The following RAB27A variants were observed in gnomAD, a reference collection of about 807,000 sequenced individuals.
The protein encoded by RAB27A is RAB27A, member RAS oncogene family.
In RAB27A, 17 loss-of-function variants were observed where a neutral mutation model predicts 20.8. The ratio of observed to expected loss-of-function variants is 0.82; its 90% CI spans 0.56 to 1.23. The LOEUF is 1.23. Ranked by LOEUF, RAB27A falls within the 50% of genes most tolerant of loss-of-function variation. The probability of loss-of-function intolerance (pLI) is 0.00; values close to 1 mark genes in which losing one functional copy is unlikely to be tolerated. For synonymous variants in RAB27A, 85 were observed against 92.8 expected (o/e 0.92, Z 0.48); for missense variants, 277 against 266.7 (o/e 1.04, Z -0.27).
At chr15:55,267,896 C>G (rs772297019) in intron 2 of RAB27A, among the ~76,000 whole-genome samples, 3 of 152,138 alleles carry the variant, frequency 2.0e-5, no homozygotes, top group Admixed American at 2.0e-4. Context: ...TTCACCAGAC[C>G]GTTCCCTTTC....
chr15:55,317,797 G>A (rs2055062826), intron 1 of RAB27A: 1 of 398,004 alleles, frequency 2.5e-6, no homozygotes. Context: ...AAACATTGCT[G>A]CAACAAATAC....
At chr15:55,313,881 G>A (rs1319862165) in intron 2 of RAB27A, 1 of 152,404 alleles carries the variant, frequency 6.6e-6, no homozygotes, top group Non-Finnish European at 1.5e-5. Flanking sequence ...GCTGAGGCAG[G>A]AGAATAGTGT....
intron 6 of RAB27A, among the ~76,000 whole-genome samples, chr15:55,214,238 C>T (rs1037201909): frequency 5.3e-5 from 8 of 152,268 alleles, no homozygotes; most frequent in East Asian, 1.9e-4. Flanking sequence ...AGATCGAGAC[C>T]ATCCTGGCTA....
intron 2 of RAB27A, among the ~76,000 whole-genome samples, chr15:55,251,450 G>A (rs1415921219): frequency 6.6e-6 from 1 of 152,094 alleles, no homozygotes; most frequent in Non-Finnish European, 1.5e-5. Flanking sequence ...GTCCTTAAAG[G>A]GGCAAGAGAG....
At chr15:55,246,622 A>AAG (rs1166169298) in intron 2 of RAB27A, among the ~76,000 whole-genome samples, 1 of 152,108 alleles carries the variant, frequency 6.6e-6, no homozygotes, top group Admixed American at 6.6e-5. Context: ...GAAAAAAAAA[A>AAG]AGCACACATA....
intron 1 of RAB27A, among the ~76,000 whole-genome samples, chr15:55,275,016 C>CA (rs1897824015): frequency 6.6e-6 from 1 of 151,442 alleles, no homozygotes; most frequent in African/African-American, 2.4e-5. Context: ...TTTGGAAGGC[C>CA]AAAGTAGGTG....
chr15:55,293,529 A>G (rs967142144), upstream of RAB27A, among the ~76,000 whole-genome samples: 1 of 152,054 alleles, frequency 6.6e-6, no homozygotes. Context: ...ATCAAAAAGA[A>G]TAAAATACCT....
chr15:55,274,794 T>TTTTATATATATATA lies in RAB27A; in HGVS notation c.-142-4511_-142-4510insTATATATATATAAA, dbSNP rs1491185564. The stretch of plus-strand genomic sequence containing the variant: ...ATCCGTCCTTAAAAAAATAAATAAA[T>TTTTATATATATATA]TATATATATATATATATATATATAT... On this transcript the variant is annotated intron_variant, in intron 1 of 6. Coordinates refer to ENST00000336787, the MANE Select transcript of RAB27A (RefSeq NM_183235.3). Among the ~76,000 whole-genome samples, 100 of 52,150 alleles carry TTTTATATATATATA rather than the reference T, an allele frequency of 1.9e-3. 2 individuals carry two copies. The highest frequency in any genetic ancestry group is 3.0e-3 in the Non-Finnish European group (70 of 22,982). The allele number at this position is 52,150 out of a possible 152,430, so 34.2% of individuals were successfully genotyped here.
At chr15:55,299,152 A>G (rs1307842232) in intron 2 of RAB27A, among the ~76,000 whole-genome samples, 1 of 152,240 alleles carries the variant, frequency 6.6e-6, no homozygotes, top group African/African-American at 2.4e-5. Context: ...TGAAATTGTC[A>G]CAATTTATGT....
intron 2 of RAB27A, among the ~76,000 whole-genome samples, chr15:55,311,720 A>G (rs2141146670): frequency 6.6e-6 from 1 of 152,312 alleles, no homozygotes; most frequent in Non-Finnish European, 1.5e-5. Context: ...TGAAGAGGAT[A>G]TCGTGGCCAG....
intron 2 of RAB27A, among the ~76,000 whole-genome samples, chr15:55,268,865 CA>C (rs1252547058): frequency 2.6e-5 from 4 of 152,154 alleles, no homozygotes; most frequent in Non-Finnish European, 5.9e-5. Flanking sequence ...CCTCAGAATA[CA>C]ATGTTTTTTG....
chr15:55,247,510 T>C (rs1309250722), intron 2 of RAB27A, among the ~76,000 whole-genome samples: 2 of 152,114 alleles, frequency 1.3e-5, no homozygotes, highest in Non-Finnish European at 2.9e-5. Context: ...ACATGAAACA[T>C]GCATGGAAAG....
intron 2 of RAB27A, among the ~76,000 whole-genome samples, chr15:55,295,280 C>A (rs992802535): frequency 1.3e-5 from 2 of 152,148 alleles, no homozygotes; most frequent in East Asian, 1.9e-4. Context: ...ATAGTGCAAT[C>A]ACTTTGAAAA....
chr15:55,274,506 G>A (rs565135001), intron 1 of RAB27A, among the ~76,000 whole-genome samples: 15 of 149,056 alleles, frequency 1.0e-4, no homozygotes, highest in Non-Finnish European at 2.1e-4. Flanking sequence ...GGCTGGGTGC[G>A]GTGGTTCATG....
At chr15:55,278,557 A>AC (rs1282434116) in intron 1 of RAB27A, among the ~76,000 whole-genome samples, 2 of 148,404 alleles carry the variant, frequency 1.3e-5, no homozygotes, top group Non-Finnish European at 3.0e-5. Context: ...ATCTCAGCTC[A>AC]CTGCAAGCTC....
At chr15:55,295,652 A>G (rs1004443275) in intron 2 of RAB27A, among the ~76,000 whole-genome samples, 1 of 152,218 alleles carries the variant, frequency 6.6e-6, no homozygotes, top group Non-Finnish European at 1.5e-5. Flanking sequence ...AGGTAAATCC[A>G]TAGAGACAGA....
intron 2 of RAB27A, among the ~76,000 whole-genome samples, chr15:55,251,738 A>C (rs1285772340): frequency 1.3e-5 from 2 of 152,158 alleles, no homozygotes; most frequent in African/African-American, 4.8e-5. Flanking sequence ...GAGGTACAAA[A>C]ATTTTTTAAA....
intron 2 of RAB27A, among the ~76,000 whole-genome samples, chr15:55,245,601 G>A (rs1038772849): frequency 2.6e-5 from 4 of 152,160 alleles, no homozygotes; most frequent in African/African-American, 4.8e-5. Context: ...TGATGTTGAG[G>A]CAGCAGAGAA....
chr15:55,252,394 A>G (rs1054059932), intron 2 of RAB27A, among the ~76,000 whole-genome samples: 13 of 151,950 alleles, frequency 8.6e-5, no homozygotes, highest in Non-Finnish European at 1.9e-4. Context: ...ACTTGAGGCC[A>G]GGAGTTCAAC....
Sources: gnomAD v4.1 joint callset for allele counts (sites outside exome capture counted in the v4.1 genomes callset) on GRCh38, gnomAD v4.1.1 for gene constraint, MANE v1.5 for transcripts, NCBI Gene and HGNC (gene_info 2026-07-23, HGNC 2026-07-21) for gene names.